CNBD1: variants seen among roughly 807,000 people sequenced by gnomAD.
The protein encoded by CNBD1 is cyclic nucleotide binding domain containing 1.
A neutral mutation model predicts 54.4 loss-of-function variants in CNBD1; 71 were observed. That is an observed-to-expected ratio of 1.30 (90% CI 1.08 to 1.59). The LOEUF (loss-of-function observed/expected upper bound fraction) is 1.59, where lower values mean the gene tolerates loss of function less well. Ranked by LOEUF, CNBD1 falls within the 40% of genes most tolerant of loss-of-function variation. CNBD1 has a pLI of 0.00. For synonymous variants in CNBD1, 182 were observed against 170.7 expected, an observed-to-expected ratio of 1.07 and a Z score of -0.51; for missense variants, 659 against 518.0, an observed-to-expected ratio of 1.27 and a Z score of -2.64.
At chr8:87,154,986 C>T (rs1356468655) in intron 4 of CNBD1, among the ~76,000 whole-genome samples, 1 of 152,144 alleles carries the variant, frequency 6.6e-6, no homozygotes, top group Non-Finnish European at 1.5e-5. Context: ...TGTACCATTC[C>T]TCCTCTTGGA....
At chr8:87,396,827 C>G (rs1430852133) in intron 2 of CNBD1, among the ~76,000 whole-genome samples, 1 of 150,728 alleles carries the variant, frequency 6.6e-6, no homozygotes, top group Non-Finnish European at 1.5e-5. Flanking sequence ...GTATTTAGAG[C>G]TATCATTCCC....
chr8:86,941,699 G>A (rs766721807), intron 4 of CNBD1, among the ~76,000 whole-genome samples: 4 of 152,198 alleles, frequency 2.6e-5, no homozygotes, highest in Admixed American at 6.5e-5. Flanking sequence ...AAGAAGCCTA[G>A]TACCTTCTTA....
intron 8 of CNBD1, among the ~76,000 whole-genome samples, chr8:87,329,873 T>C (rs1271019419): frequency 6.6e-6 from 1 of 152,026 alleles, no homozygotes; most frequent in Non-Finnish European, 1.5e-5. Flanking sequence ...TCCAAATCCA[T>C]ATATATTTTT....
chr8:87,068,298 A>G (rs1008916430), intron 4 of CNBD1, among the ~76,000 whole-genome samples: 1 of 152,060 alleles, frequency 6.6e-6, no homozygotes, highest in Non-Finnish European at 1.5e-5. Context: ...TGGATCTAAT[A>G]AAATTTTAGG....
chr8:87,304,341 A>G (rs1170924749), intron 8 of CNBD1, among the ~76,000 whole-genome samples: 1 of 152,162 alleles, frequency 6.6e-6, no homozygotes, highest in Non-Finnish European at 1.5e-5. Context: ...TTGTAGAGAC[A>G]TGGATGAAGC....
intron 5 of CNBD1, among the ~76,000 whole-genome samples, chr8:87,221,424 C>G (rs978579663): frequency 2.0e-5 from 3 of 152,092 alleles, no homozygotes; most frequent in African/African-American, 7.2e-5. Flanking sequence ...TGAAGTCCAT[C>G]AAGTACTCCA....
chr8:86,922,431 G>A (rs182044735), intron 3 of CNBD1, among the ~76,000 whole-genome samples: 1 of 152,150 alleles, frequency 6.6e-6, no homozygotes, highest in East Asian at 1.9e-4. Context: ...ATGAAGGAAG[G>A]AAGAAGAAAG....
At chr8:87,420,486 T>C (rs2130992323) in intron 2 of CNBD1, among the ~76,000 whole-genome samples, 1 of 152,174 alleles carries the variant, frequency 6.6e-6, no homozygotes, top group Non-Finnish European at 1.5e-5. Context: ...TGTTGAAATG[T>C]TGTGAGAAAA....
chr8:87,172,710 T>A (rs1041882365), intron 4 of CNBD1, among the ~76,000 whole-genome samples: 1 of 152,162 alleles, frequency 6.6e-6, no homozygotes, highest in African/African-American at 2.4e-5. Context: ...TTTTTTCATT[T>A]CCATTGGCAT....
chr8:87,061,842 T>G (rs1299708090), intron 4 of CNBD1, among the ~76,000 whole-genome samples: 3 of 152,232 alleles, frequency 2.0e-5, no homozygotes, highest in Admixed American at 1.3e-4. Flanking sequence ...GGTCACATGA[T>G]TCTCCTAATA....
intron 4 of CNBD1, among the ~76,000 whole-genome samples, chr8:87,150,920 G>T (rs1812590195): frequency 6.6e-6 from 1 of 152,186 alleles, no homozygotes; most frequent in Non-Finnish European, 1.5e-5. Flanking sequence ...AAGAAGCAGA[G>T]AAAGAATTTA....
chr8:86,928,639 A>G (rs4960997), intron 3 of CNBD1, among the ~76,000 whole-genome samples: 48,448 of 152,094 alleles, frequency 0.32, 7,887 homozygotes, highest in East Asian at 0.38. Flanking sequence ...CAGACCAACA[A>G]GTATTGAAAT....
At chr8:86,962,471 G>A (rs577696379) in intron 4 of CNBD1, among the ~76,000 whole-genome samples, 141 of 152,186 alleles carry the variant, frequency 9.3e-4, no homozygotes, top group Non-Finnish European at 1.7e-3. Context: ...TATCCTTCCT[G>A]CTACCAGTTT....
At chr8:87,343,729 ATAT>A (rs991192718) in intron 8 of CNBD1, among the ~76,000 whole-genome samples, 7 of 152,196 alleles carry the variant, frequency 4.6e-5, no homozygotes, top group South Asian at 2.1e-4. Context: ...ATTTTAAAAA[ATAT>A]TAACTTATTG....
At chr8:87,210,168 A>G (rs1301624022) in intron 5 of CNBD1, among the ~76,000 whole-genome samples, 2 of 152,226 alleles carry the variant, frequency 1.3e-5, no homozygotes, top group African/African-American at 4.8e-5. Context: ...TAAGCAACAA[A>G]GTGATCAAGA....
chr8:87,126,374 A>G (rs183401204), intron 4 of CNBD1, among the ~76,000 whole-genome samples: 1 of 151,996 alleles, frequency 6.6e-6, no homozygotes, highest in African/African-American at 2.4e-5. Flanking sequence ...TGTGGTTTGA[A>G]TTTGCATTTT....
chr8:86,923,392 G>A (rs1809307545), intron 3 of CNBD1, among the ~76,000 whole-genome samples: 1 of 152,310 alleles, frequency 6.6e-6, no homozygotes. Flanking sequence ...TGGAAGGGAG[G>A]GTTGTAGGGA....
At chr8:87,164,865 G>T (rs954516389) in intron 4 of CNBD1, among the ~76,000 whole-genome samples, 10 of 151,610 alleles carry the variant, frequency 6.6e-5, no homozygotes, top group Non-Finnish European at 1.2e-4. Context: ...AGGTATGAAG[G>T]TAGTTTATTT....
intron 8 of CNBD1, among the ~76,000 whole-genome samples, chr8:87,329,825 T>C (rs1228018181): frequency 6.6e-6 from 1 of 152,016 alleles, no homozygotes; most frequent in Non-Finnish European, 1.5e-5. Flanking sequence ...TCTATATAGA[T>C]GATTATGTCA....
Sources: gnomAD v4.1 joint callset for allele counts (sites outside exome capture counted in the v4.1 genomes callset) on GRCh38, gnomAD v4.1.1 for gene constraint, MANE v1.5 for transcripts, NCBI Gene and HGNC (gene_info 2026-07-23, HGNC 2026-07-21) for gene names.